MACROD2: variants seen among roughly 807,000 people sequenced by gnomAD.
MACROD2 encodes the protein ADP-ribose glycohydrolase MACROD2.
Under a neutral mutation model 70.4 loss-of-function variants are expected in MACROD2, and 36 were observed. That is an observed-to-expected ratio of 0.51 (90% CI 0.39 to 0.68). The LOEUF (loss-of-function observed/expected upper bound fraction) is 0.68, where lower values mean the gene tolerates loss of function less well. Among genes scored for constraint, MACROD2 ranks in the 30% least tolerant of loss-of-function variants. The pLI is 0.00. For synonymous variants in MACROD2, 172 were observed against 178.8 expected (o/e 0.96, Z 0.30); for missense variants, 496 against 538.4 (o/e 0.92, Z 0.78).
At chr20:15,605,453 C>CGTGTGTGT (rs57584580) in intron 8 of MACROD2, among the ~76,000 whole-genome samples, 3,438 of 141,748 alleles carry the variant, frequency 0.024, 114 homozygotes, top group African/African-American at 0.067. Flanking sequence ...AGGATGTAAG[C>CGTGTGTGT]GTGTGTGTGT....
intron 12 of MACROD2, among the ~76,000 whole-genome samples, chr20:15,942,455 A>C (rs2065763873): frequency 6.6e-6 from 1 of 152,176 alleles, no homozygotes; most frequent in Non-Finnish European, 1.5e-5. Context: ...GTTGGTAGGC[A>C]TTTTGAGGTT....
chr20:14,575,222 T>C (rs1980516886), intron 4 of MACROD2, among the ~76,000 whole-genome samples: 1 of 152,090 alleles, frequency 6.6e-6, no homozygotes, highest in Non-Finnish European at 1.5e-5. Context: ...TATATTAGTA[T>C]AAATAACTTA....
At chr20:15,983,490 T>C (rs2066431658) in intron 13 of MACROD2, among the ~76,000 whole-genome samples, 1 of 152,186 alleles carries the variant, frequency 6.6e-6, no homozygotes, top group Non-Finnish European at 1.5e-5. Context: ...TTAAGCTTAC[T>C]GCATCCCTTC....
chr20:14,673,164 C>T (rs2070815474), intron 4 of MACROD2, among the ~76,000 whole-genome samples: 1 of 152,158 alleles, frequency 6.6e-6, no homozygotes, highest in Non-Finnish European at 1.5e-5. Flanking sequence ...GGGGACTCTT[C>T]CTTTTTGGAT....
intron 8 of MACROD2, among the ~76,000 whole-genome samples, chr20:15,640,887 C>G (rs943167453): frequency 2.6e-5 from 4 of 152,216 alleles, no homozygotes; most frequent in Non-Finnish European, 4.4e-5. Context: ...AGGGCCCCTG[C>G]TGCCTCGTCT....
intron 5 of MACROD2, among the ~76,000 whole-genome samples, chr20:14,872,773 C>T (rs1018837731): frequency 4.6e-5 from 7 of 151,972 alleles, no homozygotes; most frequent in East Asian, 1.9e-4. Context: ...AAGAACTGTC[C>T]GAGAACTGGG....
intron 4 of MACROD2, among the ~76,000 whole-genome samples, chr20:14,524,267 T>G (rs2085204515): frequency 1.3e-5 from 2 of 152,208 alleles, no homozygotes; most frequent in Non-Finnish European, 1.5e-5. Context: ...AAAACTCTTC[T>G]TTAAAGTAGT....
rs1568535013 is a variant in MACROD2 at position 15,021,256 on chromosome 20, A to ACATACAGGTGTGCGTATACG, written c.419-208682_419-208681insTACAGGTGTGCGTATACGCA. 3.1e-4 allele frequency among the ~76,000 whole-genome samples: 26 copies of ACATACAGGTGTGCGTATACG among 83,786 alleles called. 4 individuals are homozygous for ACATACAGGTGTGCGTATACG. Among genetic ancestry groups the ACATACAGGTGTGCGTATACG allele is most frequent in the African/African-American group, 2.1e-4 (5 of 23,310 alleles). 55.0% of individuals were successfully genotyped at this position (83,786 alleles called of 152,430 possible). A position where few individuals can be genotyped will look rare whatever the true frequency, so the allele number is the denominator to read the frequency against. On this transcript the variant is annotated intron_variant, in intron 5 of 17. Coordinates refer to ENST00000684519, the MANE Select transcript of MACROD2 (RefSeq NM_001351661.2). ...TACACACACCTGTGTGTATGTATAC[A>ACATACAGGTGTGCGTATACG]CACACCTGTGTGTGTGTATACGCAC... is the stretch of plus-strand genomic sequence containing the variant.
chr20:14,081,701 T>A (rs1015576530), intron 2 of MACROD2, among the ~76,000 whole-genome samples: 1 of 152,174 alleles, frequency 6.6e-6, no homozygotes, highest in Admixed American at 6.5e-5. Context: ...GGCCTCTAAG[T>A]GGTAATTTAT....
chr20:15,351,274 A>G (rs2078224111), intron 6 of MACROD2, among the ~76,000 whole-genome samples: 2 of 152,320 alleles, frequency 1.3e-5, no homozygotes, highest in South Asian at 4.1e-4. Flanking sequence ...AAAAATAACT[A>G]GTTTTAGAGA....
intron 3 of MACROD2, among the ~76,000 whole-genome samples, chr20:14,170,751 A>G (rs1406031921): frequency 6.6e-6 from 1 of 152,090 alleles, no homozygotes; most frequent in Non-Finnish European, 1.5e-5. Context: ...GTTAGCTAGT[A>G]TTTCGTTGAG....
At chr20:15,725,350 GAACGGT>G (rs143589122) in intron 8 of MACROD2, among the ~76,000 whole-genome samples, 6,866 of 152,122 alleles carry the variant, frequency 0.045, 151 homozygotes, top group Admixed American at 0.07. Context: ...ATGTTAGTAT[GAACGGT>G]AATGTGTTTT....
At chr20:14,707,142 G>A (rs1434264348) in intron 5 of MACROD2, among the ~76,000 whole-genome samples, 1 of 152,120 alleles carries the variant, frequency 6.6e-6, no homozygotes, top group Non-Finnish European at 1.5e-5. Flanking sequence ...TTGCAGAATT[G>A]AGTGTAATTC....
In MACROD2 at chr20:15,022,162, T is replaced by C. The variant is rs191823273; in HGVS notation, c.419-207778T>C. Among the ~76,000 whole-genome samples the C allele has an allele frequency of 5.3e-4, 80 of 152,204 alleles. 1 individual carries two copies. The highest frequency in any genetic ancestry group is 8.8e-4 in the Non-Finnish European group (60 of 68,020). The stretch of plus-strand genomic sequence containing the variant: ...TATTAGTAAAGAATTACCTTGAATA[T>C]GGTGAGTGTTAGCAATTATGAAGCT... On this transcript the variant is annotated intron_variant, in intron 5 of 17. Coordinates refer to ENST00000684519, the MANE Select transcript of MACROD2 (RefSeq NM_001351661.2).
chr20:15,501,358 C>A (rs2047362611), intron 8 of MACROD2, among the ~76,000 whole-genome samples: 1 of 152,202 alleles, frequency 6.6e-6, no homozygotes, highest in Non-Finnish European at 1.5e-5. Flanking sequence ...AGGAAGTTTT[C>A]ATGCATCATC....
Position 14,873,573 on chromosome 20 carries a change from T to C in MACROD2, c.418+188614T>C, listed in dbSNP as rs143644616. Among the ~76,000 whole-genome samples the C allele has an allele frequency of 1.3e-5, 2 of 152,048 alleles. 1 individual carries two copies. Among genetic ancestry groups the C allele is most frequent in the Non-Finnish European group, 2.9e-5 (2 of 67,994 alleles). On this transcript the variant is annotated intron_variant, in intron 5 of 17. Transcript: ENST00000684519. ...AAATAAATCAGTTGTTTCTAAAAAT[T>C]TATTCAGGGCCGGGTGCAATGGCTC... is the stretch of plus-strand genomic sequence containing the variant.
In MACROD2 at chr20:14,329,513, C is replaced by A. The variant is rs17263667; in HGVS notation, c.272-163966C>A. On this transcript the variant is annotated intron_variant, in intron 3 of 17. Coordinates refer to ENST00000684519, the MANE Select transcript of MACROD2 (RefSeq NM_001351661.2). Reference sequence around the variant, plus strand: ...TTTCTTATACAAATAAAGTAGGAGCCAAAGTTGAGATTGTCATCAAACAGA... The same window carrying A: ...TTTCTTATACAAATAAAGTAGGAGCAAAAGTTGAGATTGTCATCAAACAGA... Among the ~76,000 whole-genome samples, 408 of 152,044 alleles carry A rather than the reference C, an allele frequency of 2.7e-3. 7 individuals are homozygous for A. The highest frequency in any genetic ancestry group is 0.019 in the Admixed American group (294 of 15,228).
chr20:15,674,754 T>TTGTGTGTG (rs3071296), intron 8 of MACROD2, among the ~76,000 whole-genome samples: 8 of 148,612 alleles, frequency 5.4e-5, no homozygotes, highest in African/African-American at 1.5e-4. Context: ...TGTGTGTGTG[T>TTGTGTGTG]TGTGTGTGTG....
intron 10 of MACROD2, among the ~76,000 whole-genome samples, chr20:15,911,035 ACTTCTTT>A (rs2065229067): frequency 1.3e-5 from 2 of 152,154 alleles, no homozygotes; most frequent in Admixed American, 6.5e-5. Flanking sequence ...TAAGTGGCAT[ACTTCTTT>A]CTCAATAGCT....
Sources: gnomAD v4.1 joint callset for allele counts (sites outside exome capture counted in the v4.1 genomes callset) on GRCh38, gnomAD v4.1.1 for gene constraint, MANE v1.5 for transcripts, NCBI Gene and HGNC (gene_info 2026-07-23, HGNC 2026-07-21) for gene names.